The following NACAD variants were observed in gnomAD, a reference collection of about 807,000 sequenced individuals.
NACAD encodes the protein NAC alpha domain containing.
NACAD carries 47 observed loss-of-function variants against 98.9 expected under a neutral mutation model. That is an observed-to-expected ratio of 0.48 (90% confidence interval 0.38 to 0.61). The LOEUF (loss-of-function observed/expected upper bound fraction) is 0.61, where lower values mean the gene tolerates loss of function less well. Among genes scored for constraint, NACAD ranks in the 20% least tolerant of loss-of-function variants. The pLI is 0.00. For synonymous variants in NACAD, 696 were observed against 767.2 expected (o/e 0.91, Z 1.53); for missense variants, 1,412 against 1,748.2 (o/e 0.81, Z 3.43).
rs1784493221 is a variant in NACAD, at chr7:45,085,027, A to G, written c.1153T>C (p.Ser385Pro). The G allele has an allele frequency of 6.4e-7, 1 of 1,550,930 alleles. No individual in the cohort carries two copies. The highest frequency in any genetic ancestry group is 8.7e-7 in the Non-Finnish European group (1 of 1,146,860). ...GAGTCTGAATCAGAGGAGGCTGCAG[A>G]GGTGTCGTCCCGGAAGGCAAAAGCC... is the stretch of plus-strand genomic sequence containing the variant. ...DEAFAFRDDT[S>P]AASSDSDSAS... The change falls in exon 2 of 8, where the codon TCT becomes CCT. Residue 385 changes from serine to proline, a missense_variant. Physicochemically the swap from Ser to Pro is moderately conservative, Grantham distance 74. Around this residue, in one of 5 missense-constraint regions of NACAD, gnomAD observed 638 missense variants for 722.7 expected, o/e 0.88. Coordinates refer to ENST00000490531, the MANE Select transcript of NACAD (RefSeq NM_001146334.2). The surrounding 1 kb of genome is among the most constrained non-coding windows in gnomAD (Gnocchi z 6.1).
In NACAD at chr7:45,082,347, T is replaced by C. The variant is rs1362736975; in HGVS notation, c.3833A>G (p.Gln1278Arg). 1.3e-6 allele frequency: 2 copies of C among 1,550,390 alleles called. No individual in the cohort carries two copies. Among genetic ancestry groups the C allele is most frequent in the Non-Finnish European group, 1.7e-6 (2 of 1,146,928 alleles). Residue 1278 changes from glutamine (Q) to arginine (R), a missense_variant, in exon 2 of 8, where the codon CAG (glutamine) becomes CGG (arginine). Coordinates refer to ENST00000490531, the MANE Select transcript of NACAD (RefSeq NM_001146334.2). The surrounding 1 kb of genome is among the most constrained non-coding windows in gnomAD (Gnocchi z 4.5). Reference protein sequence around the residue: ...LGLPPPQAGVQPAAAAVSGTT... With the variant: ...LGLPPPQAGVRPAAAAVSGTT... ...TCCTGAGACAGCAGCAGCGGCAGGC[T>C]GGACTCCTGCCTGGGGCGGTGGGAG...
intron 1 of NACAD, 95 bp from the exon 2 acceptor site, chr7:45,086,207 G>A: frequency 7.6e-7 from 1 of 1,315,472 alleles, no homozygotes; most frequent in African/African-American, 1.5e-5. Flanking sequence ...ATAGGGCCCA[G>A]AGGAAGGTGG....
chr7:45,081,609 CCTT>C lies in NACAD; in HGVS notation c.4246_4248del (p.Lys1416del), dbSNP rs1275071787. Reference sequence around the variant, plus strand: ...GGGAGCCACCAGCCCACCTTTCGGGCCTTCTTCTCACTGCGACTCTGCTTGGCT... The same window carrying C: ...GGGAGCCACCAGCCCACCTTTCGGGCCTTCTCACTGCGACTCTGCTTGGCT... On this transcript the variant is annotated inframe_deletion, in exon 4 of 8. Coordinates refer to ENST00000490531, the MANE Select transcript of NACAD (RefSeq NM_001146334.2). The C allele has an allele frequency of 6.4e-6, 10 of 1,551,432 alleles. No individual in the cohort carries two copies. The highest frequency in any genetic ancestry group is 8.7e-6 in the Non-Finnish European group (10 of 1,146,986).
Position 45,081,087 on chromosome 7 carries a change from C to A in NACAD, c.4404+30G>T, listed in dbSNP as rs73321242. On this transcript the variant is annotated intron_variant, in intron 5 of 7. Coordinates refer to ENST00000490531, the MANE Select transcript of NACAD (RefSeq NM_001146334.2). ...CCCCCTTGTCCCCTATCCCTCGGAT[C>A]CCCCATTCCACCACAGCCGCCACCC... 4,101 of 1,550,896 alleles carry A rather than the reference C, an allele frequency of 2.6e-3. 101 individuals are homozygous for A. The African/African-American group carries it at 0.05, about 19-fold the overall frequency.
Position 45,087,183 on chromosome 7 carries a change from C to T in NACAD, c.68-1071G>A, listed in dbSNP as rs192061841. ...CCTCCGAGGTTGCGGCACACCAGACCGCTATGGTTTTCTGCCTCCTGGACT... is the reference window on the plus strand; with the variant it reads ...CCTCCGAGGTTGCGGCACACCAGACTGCTATGGTTTTCTGCCTCCTGGACT... On this transcript the variant is annotated intron_variant, in intron 1 of 7. Coordinates refer to ENST00000490531, the MANE Select transcript of NACAD (RefSeq NM_001146334.2). 3.6e-3 allele frequency among the ~76,000 whole-genome samples: 544 copies of T among 152,296 alleles called. 4 individuals carry two copies. Among genetic ancestry groups the T allele is most frequent in the African/African-American group, 0.012 (515 of 41,550 alleles).
Position 45,082,107 on chromosome 7 carries a change from C to T in NACAD, c.4072+1G>A, listed in dbSNP as rs1305918109. The T allele has an allele frequency of 1.4e-6, 2 of 1,468,694 alleles. No individual in the cohort carries two copies. Among genetic ancestry groups the T allele is most frequent in the East Asian group, 2.5e-5 (1 of 40,328 alleles). The allele number at this position is 1,468,694 out of a possible 1,614,324, so 91.0% of individuals were successfully genotyped here. ...CACTTCACTCCCACCCTCTGCCTTA[C>T]CTTCCTCCAGGCTGTCCTCATCCTC... On this transcript the variant is annotated splice_donor_variant, in intron 2 of 7. Transcript: ENST00000490531. LOFTEE classifies it high-confidence loss of function. The surrounding 1 kb of genome is among the most constrained non-coding windows in gnomAD (Gnocchi z 4.5).
Position 45,085,727 on chromosome 7 carries a change from T to C in NACAD, c.453A>G (p.Pro151=), listed in dbSNP as rs1436530222. 5 of 1,548,484 alleles carry C rather than the reference T, an allele frequency of 3.2e-6. No individual in the cohort carries two copies. In the African/African-American group the frequency reaches 5.5e-5, roughly 17 times the overall value. The change falls in exon 2 of 8, where the codon CCA becomes CCG. Residue 151 remains proline (P), a synonymous_variant. Coordinates refer to ENST00000490531, the MANE Select transcript of NACAD (RefSeq NM_001146334.2). The surrounding 1 kb of genome is among the most constrained non-coding windows in gnomAD (Gnocchi z 6.1). The part of the protein sequence containing the change: ...DQEGGHASPD[P]PPELCSQGDL... ...CACCCTGAGAACACAGCTCGGGGGG[T>C]GGGTCTGGGCTTGCGTGCCCACCCT...
At chr7:45,081,513 T>G in intron 4 of NACAD, 88 bp downstream of exon 4, 11 of 1,480,518 alleles carry the variant, frequency 7.4e-6, no homozygotes, top group Non-Finnish European at 9.2e-6. Context: ...TGGGATTTCA[T>G]TAGCCATGGA....
rs1562927073 is a variant in NACAD, at chr7:45,082,454, T to C, written c.3726A>G (p.Pro1242=). The C allele has an allele frequency of 1.9e-6, 3 of 1,545,570 alleles. No homozygotes were observed. The highest frequency in any genetic ancestry group is 2.6e-6 in the Non-Finnish European group (3 of 1,145,438). Residue 1242 remains proline, a synonymous_variant, in exon 2 of 8, where the codon CCA becomes CCG. Transcript: ENST00000490531. This position sits in a 1 kb window ranked among gnomAD's most constrained non-coding sequence, Gnocchi z 4.5. ...PGTLAGAALP[P]LEPPAPCLCQ... Reference sequence around the variant, plus strand: ...ACAGGCAGGGGGCTGGGGGCTCCAGTGGGGGTAGGGCTGCCCCAGCAAGGG... The same window carrying C: ...ACAGGCAGGGGGCTGGGGGCTCCAGCGGGGGTAGGGCTGCCCCAGCAAGGG...
At position 45,085,952 on chromosome 7, in the gene NACAD, A is replaced by T. The variant is rs1313152308; in HGVS notation, c.228T>A (p.Pro76=). Residue 76 remains proline (P), a synonymous_variant, in exon 2 of 8, where the codon CCT becomes CCA. Coordinates refer to ENST00000490531, the MANE Select transcript of NACAD (RefSeq NM_001146334.2). This position sits in a 1 kb window ranked among gnomAD's most constrained non-coding sequence, Gnocchi z 6.1. ...CCGCCCAGGCCGAGGGTGCCCCACC[A>T]GGCCCTGCATCCCAGCTGGCTCCCT... is the stretch of plus-strand genomic sequence containing the variant. ...QPEGASWDAG[P]GGAPSAWADP... 6.5e-7 allele frequency: 1 copy of T among 1,538,292 alleles called. No homozygotes were observed. The highest frequency in any genetic ancestry group is 8.8e-7 in the Non-Finnish European group (1 of 1,141,380).
At position 45,084,717 on chromosome 7, in the gene NACAD, A is replaced by G. The variant is rs1784484564; in HGVS notation, c.1463T>C (p.Leu488Pro). Reference sequence around the variant, plus strand: ...CACCTGGAGGCCTGGGGCTACCTGCAGAGTGTGAGGGGTCACAGTGGCAGT... The same window carrying G: ...CACCTGGAGGCCTGGGGCTACCTGCGGAGTGTGAGGGGTCACAGTGGCAGT... ...ESTATVTPHT[L>P]QVAPGLQVEV... Residue 488 changes from leucine to proline, a missense_variant, in exon 2 of 8, where the codon CTG becomes CCG. Physicochemically the swap from Leu to Pro is moderately conservative, Grantham distance 98 (BLOSUM62 -3). Around this residue, in one of 5 missense-constraint regions of NACAD, gnomAD observed 638 missense variants for 722.7 expected, o/e 0.88. Transcript: ENST00000490531. 2 of 1,550,882 alleles carry G rather than the reference A, an allele frequency of 1.3e-6. No homozygotes were observed. Among genetic ancestry groups the G allele is most frequent in the African/African-American group, 2.7e-5 (2 of 72,896 alleles).
Position 45,080,918 on chromosome 7 carries a change from C to T in NACAD, c.4509G>A (p.Val1503=), listed in dbSNP as rs1206361510. The change falls in exon 6 of 8, where the codon GTG becomes GTA. Residue 1503 remains valine, a synonymous_variant. Transcript: ENST00000490531. The part of the protein sequence containing the change: ...LVPESAPRPR[V]RLECKEEEEE... ...CTTCCTCTTCCTTGCACTCCAGCCT[C>T]ACCCGGGGCCTGGGTGCTGACTCAG... 4 of 1,555,284 alleles carry T rather than the reference C, an allele frequency of 2.6e-6. No homozygotes were observed. Among genetic ancestry groups the T allele is most frequent in the Non-Finnish European group, 3.5e-6 (4 of 1,149,174 alleles).
At position 45,083,400 on chromosome 7, in the gene NACAD, G is replaced by A. The variant is rs1162851586; in HGVS notation, c.2780C>T (p.Pro927Leu). Residue 927 changes from proline (P) to leucine (L), a missense_variant, in exon 2 of 8, where the codon CCT becomes CTT. Transcript: ENST00000490531. ...PQDSAMTAPLPLQDTGPTSGP... is the reference protein window; with the variant it reads ...PQDSAMTAPLLLQDTGPTSGP... Reference sequence around the variant, plus strand: ...TGAGGTGGGGCCTGTGTCTTGCAGAGGCAGAGGTGCTGTCATAGCGGAGTC... The same window carrying A: ...TGAGGTGGGGCCTGTGTCTTGCAGAAGCAGAGGTGCTGTCATAGCGGAGTC... The A allele has an allele frequency of 6.4e-7, 1 of 1,551,136 alleles. No homozygotes were observed. The highest frequency in any genetic ancestry group is 8.7e-7 in the Non-Finnish European group (1 of 1,147,024).
Position 45,088,028 on chromosome 7 carries a change from C to G in NACAD, c.67+800G>C, listed in dbSNP as rs1234431967. Among the ~76,000 whole-genome samples the G allele has an allele frequency of 6.6e-6, 1 of 152,236 alleles. No homozygotes were observed. The highest frequency in any genetic ancestry group is 2.4e-5 in the African/African-American group (1 of 41,460). Reference sequence around the variant, plus strand: ...TCCCACCTAGAGCAGAGGCAGCAGCCTGTGTCACCCCAAACCAGGCCCCAG... The same window carrying G: ...TCCCACCTAGAGCAGAGGCAGCAGCGTGTGTCACCCCAAACCAGGCCCCAG... On this transcript the variant is annotated intron_variant, in intron 1 of 7. Coordinates refer to ENST00000490531, the MANE Select transcript of NACAD (RefSeq NM_001146334.2). This position sits in a 1 kb window ranked among gnomAD's most constrained non-coding sequence, Gnocchi z 5.7.
At position 45,088,840 on chromosome 7, in the gene NACAD, C is replaced by T. The variant is rs1784561304; in HGVS notation, c.55G>A (p.Gly19Arg). The stretch of plus-strand genomic sequence containing the variant: ...GCCACGGCCTCACCTGTGCGGGGCC[C>T]GGGTCGGTCCGCCTCGGGCAGCAGC... ...ELLLPEADRP[G>R]PRTDLSCDAA... Residue 19 changes from glycine to arginine, a missense_variant, in exon 1 of 8, where the codon GGG (glycine) becomes AGG (arginine). By Grantham distance (125) the Gly-to-Arg change is moderately radical. This residue lies in a region of NACAD where 638 missense variants were observed against 722.7 expected (regional missense o/e 0.88). Coordinates refer to ENST00000490531, the MANE Select transcript of NACAD (RefSeq NM_001146334.2). The surrounding 1 kb of genome is among the most constrained non-coding windows in gnomAD (Gnocchi z 5.7). 4.0e-6 allele frequency: 6 copies of T among 1,491,174 alleles called. No homozygotes were observed. The highest frequency in any genetic ancestry group is 5.3e-6 in the Non-Finnish European group (6 of 1,125,652). The allele number at this position is 1,491,174 out of a possible 1,614,324, so 92.4% of individuals were successfully genotyped here. A position where few individuals can be genotyped will look rare whatever the true frequency, so the allele number is the denominator to read the frequency against.
At position 45,082,151 on chromosome 7, in the gene NACAD, G is replaced by A; in HGVS notation, c.4029C>T (p.Leu1343=). The change falls in exon 2 of 8, where the codon CTC becomes CTT. Residue 1343 remains leucine (L), a synonymous_variant. Coordinates refer to ENST00000490531, the MANE Select transcript of NACAD (RefSeq NM_001146334.2). The surrounding 1 kb of genome is among the most constrained non-coding windows in gnomAD (Gnocchi z 4.5). The part of the protein sequence containing the change: ...GPQSPAGPQG[L]SAPEQQEDED... ...CATCCTCTTGCTGCTCGGGGGCTGA[G>A]AGCCCTTGAGGGCCAGCTGGGCTCT... 1 of 1,491,760 alleles carries A rather than the reference G, an allele frequency of 6.7e-7. No homozygotes were observed. The highest frequency in any genetic ancestry group is 8.9e-7 in the Non-Finnish European group (1 of 1,119,126). The allele number at this position is 1,491,760 out of a possible 1,614,324, so 92.4% of individuals were successfully genotyped here. A position where few individuals can be genotyped will look rare whatever the true frequency, so the allele number is the denominator to read the frequency against.
Position 45,083,199 on chromosome 7 carries a change from G to T in NACAD, c.2981C>A (p.Ala994Asp), listed in dbSNP as rs1784461485. The change falls in exon 2 of 8, where the codon GCC (alanine) becomes GAC (aspartate). Residue 994 changes from alanine to aspartate, a missense_variant. Ala to Asp is a moderately radical substitution (Grantham distance 126, BLOSUM62 -2). Transcript: ENST00000490531. ...AALPTVPEPAALDQVQQDDPQ... is the reference protein window; with the variant it reads ...AALPTVPEPADLDQVQQDDPQ... ...GTCATCCTGTTGGACCTGGTCCAAGGCTGCAGGCTCCGGGACTGTAGGGAG... is the reference window on the plus strand; with the variant it reads ...GTCATCCTGTTGGACCTGGTCCAAGTCTGCAGGCTCCGGGACTGTAGGGAG... The T allele has an allele frequency of 6.4e-7, 1 of 1,550,758 alleles. No individual in the cohort carries two copies. Among genetic ancestry groups the T allele is most frequent in the South Asian group, 1.2e-5 (1 of 84,068 alleles).
chr7:45,081,630 G>A lies in NACAD; in HGVS notation c.4228C>T (p.Gln1410Ter). The change falls in exon 4 of 8, where the codon CAG (glutamine) becomes TAG (stop). Residue 1410 changes from glutamine (Q) to a stop codon, truncating the protein, a stop_gained. Transcript: ENST00000490531. LOFTEE classifies it high-confidence loss of function. ...GSEETIAKAK[Q>*]SRSEKKARKA... ...CGGGCCTTCTTCTCACTGCGACTCT[G>A]CTTGGCTTTGGCGATGGTCTCCTCA... 2 of 1,551,458 alleles carry A rather than the reference G, an allele frequency of 1.3e-6. No individual in the cohort carries two copies. The highest frequency in any genetic ancestry group is 1.7e-6 in the Non-Finnish European group (2 of 1,147,012).
Position 45,082,756 on chromosome 7 carries a change from C to A in NACAD, c.3424G>T (p.Ala1142Ser). 1 of 1,547,894 alleles carries A rather than the reference C, an allele frequency of 6.5e-7. No individual in the cohort carries two copies. Among genetic ancestry groups the A allele is most frequent in the Non-Finnish European group, 8.7e-7 (1 of 1,145,630 alleles). The change falls in exon 2 of 8, where the codon GCT becomes TCT. Residue 1142 changes from alanine to serine, a missense_variant. Physicochemically the swap from Ala to Ser is moderately conservative, Grantham distance 99. Transcript: ENST00000490531. This position sits in a 1 kb window ranked among gnomAD's most constrained non-coding sequence, Gnocchi z 4.5. ...TCCAGACTGGCCTCTGTGGCCACAG[C>A]TGAGGGAAGCGTGGGCTCCGGGGTG... ...KSTPEPTLPS[A>S]VATEASLDSC...
Sources: allele counts gnomAD v4.1 joint callset (sites outside exome capture counted in the v4.1 genomes callset), GRCh38; gene constraint gnomAD v4.1.1; regional missense constraint gnomAD v4.1.1; non-coding constraint Gnocchi (gnomAD v3.1); transcripts MANE v1.5; gene names NCBI Gene and HGNC (gene_info 2026-07-23, HGNC 2026-07-21).